MREG: variants seen among roughly 807,000 people sequenced by gnomAD.
MREG encodes the protein melanoregulin, also known as dilute suppressor protein homolog.
A neutral mutation model predicts 28.5 loss-of-function variants in MREG; 31 were observed. The ratio of observed to expected loss-of-function variants is 1.09; its 90% CI spans 0.82 to 1.47. MREG has a LOEUF of 1.47. MREG is among the 40% of genes most tolerant of loss of function. The probability of loss-of-function intolerance (pLI) is 0.00; values close to 1 mark genes in which losing one functional copy is unlikely to be tolerated. For synonymous variants in MREG, 106 were observed against 95.2 expected (o/e 1.11, Z -0.66); for missense variants, 256 against 257.4 (o/e 0.99, Z 0.04).
At chr2:215,960,545 A>C (rs547775400) in intron 2 of MREG, among the ~76,000 whole-genome samples, 52 of 152,296 alleles carry the variant, frequency 3.4e-4, no homozygotes, top group Non-Finnish European at 4.7e-4. Flanking sequence ...TATATAATTA[A>C]GATATTTGGG....
At chr2:215,974,595 C>T (rs1034317080) in intron 2 of MREG, among the ~76,000 whole-genome samples, 9 of 151,888 alleles carry the variant, frequency 5.9e-5, no homozygotes, top group African/African-American at 1.9e-4. Context: ...GTGGTGAGGG[C>T]ACAGTGGTGA....
At position 216,027,598 on chromosome 2, in the gene MREG, C is replaced by T. The variant is rs1380855563; in HGVS notation, c.-68+5191G>A. Among the ~76,000 whole-genome samples, 4 of 152,170 alleles carry T rather than the reference C, an allele frequency of 2.6e-5. No homozygotes were observed. In the South Asian group the frequency reaches 8.3e-4, roughly 32 times the overall value. On this transcript the variant is annotated intron_variant, in intron 1 of 3. Coordinates refer to the MREG transcript ENST00000420348. ...ATCCCAGCTACTTGGGAGGTTGAGG[C>T]ATGAGAGTCACTTGAACCTAGGAAG...
intron 1 of MREG, among the ~76,000 whole-genome samples, chr2:216,024,671 C>G (rs1202657148): frequency 6.6e-6 from 1 of 151,524 alleles, no homozygotes; most frequent in Non-Finnish European, 1.5e-5. Flanking sequence ...GTTAGGAGTT[C>G]AAGACCAGGT....
chr2:215,946,250 A>G (rs1208763994), intron 3 of MREG, among the ~76,000 whole-genome samples: 1 of 151,576 alleles, frequency 6.6e-6, no homozygotes, highest in African/African-American at 2.4e-5. Context: ...AAAAAAAAAA[A>G]GGCTATTAGC....
At chr2:215,979,118 C>G (rs1364537410) in intron 2 of MREG, among the ~76,000 whole-genome samples, 1 of 152,178 alleles carries the variant, frequency 6.6e-6, no homozygotes, top group Non-Finnish European at 1.5e-5. Context: ...TGCTATCTTA[C>G]ATTTTTTTCT....
intron 2 of MREG, among the ~76,000 whole-genome samples, chr2:215,962,893 T>G (rs1375295547): frequency 2.0e-5 from 3 of 152,182 alleles, no homozygotes; most frequent in African/African-American, 7.2e-5. Context: ...CCCAGCAATT[T>G]GGGAGGCCAA....
intron 2 of MREG, among the ~76,000 whole-genome samples, chr2:215,994,175 A>G (rs943656409): frequency 6.6e-6 from 1 of 152,060 alleles, no homozygotes; most frequent in African/African-American, 2.4e-5. Context: ...ATGCCCATCA[A>G]TGATAGACTG....
intron 1 of MREG, among the ~76,000 whole-genome samples, chr2:216,000,123 G>T (rs889761064): frequency 1.3e-5 from 2 of 152,218 alleles, no homozygotes; most frequent in African/African-American, 4.8e-5. Flanking sequence ...TGAGCCAAGG[G>T]CTCCTGCATT....
chr2:216,027,429 C>A (rs1432047228), intron 1 of MREG, among the ~76,000 whole-genome samples: 1 of 152,180 alleles, frequency 6.6e-6, no homozygotes, highest in Non-Finnish European at 1.5e-5. Flanking sequence ...CAGTGGCTCA[C>A]CCCTATAATC....
chr2:215,956,925 A>G (rs1692640998), intron 2 of MREG, among the ~76,000 whole-genome samples: 1 of 152,104 alleles, frequency 6.6e-6, no homozygotes, highest in African/African-American at 2.4e-5. Context: ...ACCCTATGAG[A>G]CGGATACCCT....
intron 2 of MREG, among the ~76,000 whole-genome samples, chr2:215,993,227 A>C (rs937487216): frequency 5.9e-5 from 9 of 152,232 alleles, no homozygotes; most frequent in African/African-American, 2.2e-4. Flanking sequence ...CAGATAATGC[A>C]GACCAATAGA....
intron 1 of MREG, among the ~76,000 whole-genome samples, chr2:215,999,135 C>G (rs745579440): frequency 5.9e-5 from 9 of 152,166 alleles, no homozygotes; most frequent in Non-Finnish European, 1.3e-4. Context: ...CGAAGTATTC[C>G]TGCATGACTG....
In MREG at chr2:215,943,280, G is replaced by C. The variant is rs1692228222; in HGVS notation, c.*1583C>G. 1 of 375,214 alleles carries C rather than the reference G, an allele frequency of 2.7e-6. No individual in the cohort carries two copies. Among genetic ancestry groups the C allele is most frequent in the African/African-American group, 2.1e-5 (1 of 47,710 alleles). The allele number at this position is 375,214 out of a possible 1,614,324, so 23.2% of individuals were successfully genotyped here. A position where few individuals can be genotyped will look rare whatever the true frequency, so the allele number is the denominator to read the frequency against. On this transcript the variant is annotated 3_prime_UTR_variant, in exon 5 of 5. Transcript: ENST00000263268. ...ATCTCTTGACAAGTTCCTTGCTTAA[G>C]TGGCAAGTAACTTTTGAAGCTGGAC... is the stretch of plus-strand genomic sequence containing the variant.
intron 2 of MREG, among the ~76,000 whole-genome samples, chr2:215,962,014 G>A (rs1386291791): frequency 6.6e-6 from 1 of 152,178 alleles, no homozygotes; most frequent in African/African-American, 2.4e-5. Context: ...GGTTACTAAT[G>A]CAGTCCCACC....
intron 2 of MREG, among the ~76,000 whole-genome samples, chr2:215,955,144 A>T (rs1692588907): frequency 1.3e-5 from 2 of 152,238 alleles, no homozygotes; most frequent in Admixed American, 1.3e-4. Context: ...GTAGCATATT[A>T]TACCTTGCAC....
chr2:215,954,317 T>C (rs1307093191), intron 2 of MREG, among the ~76,000 whole-genome samples: 1 of 152,174 alleles, frequency 6.6e-6, no homozygotes, highest in Non-Finnish European at 1.5e-5. Context: ...TAAAATCTTT[T>C]CACAATCTGA....
chr2:215,993,027 C>T (rs1392236031), intron 2 of MREG, among the ~76,000 whole-genome samples: 1 of 152,184 alleles, frequency 6.6e-6, no homozygotes, highest in African/African-American at 2.4e-5. Context: ...CCCCATCAAG[C>T]TACCACTGAC....
chr2:215,950,358 T>C (rs1049395889), intron 2 of MREG, among the ~76,000 whole-genome samples: 4 of 152,216 alleles, frequency 2.6e-5, no homozygotes, highest in African/African-American at 9.6e-5. Context: ...TTCCTAAATA[T>C]CTACAATGAA....
Position 216,031,016 on chromosome 2 carries a change from C to G in MREG, c.-68+1773G>C, listed in dbSNP as rs138300062. On this transcript the variant is annotated intron_variant, in intron 1 of 3. Transcript: ENST00000420348. ...CACACTCTGTCCCTGCTCTCTCTCT[C>G]TCATTTGCTTGCTCATCAAAACATC... Among the ~76,000 whole-genome samples, 3 of 152,046 alleles carry G rather than the reference C, an allele frequency of 2.0e-5. No homozygotes were observed. The East Asian group carries it at 5.8e-4, about 29-fold the overall frequency.
Sources: allele counts gnomAD v4.1 joint callset (sites outside exome capture counted in the v4.1 genomes callset), GRCh38; gene constraint gnomAD v4.1.1; transcripts MANE v1.5; gene names NCBI Gene and HGNC (gene_info 2026-07-23, HGNC 2026-07-21).